The following HELB variants were observed in gnomAD, a reference collection of about 807,000 sequenced individuals.
HELB encodes the protein DNA 5'-3' helicase B.
HELB carries 96 observed loss-of-function variants against 101.7 expected under a neutral mutation model. That is an observed-to-expected ratio of 0.94 (90% CI 0.80 to 1.12). The LOEUF (loss-of-function observed/expected upper bound fraction) is 1.12. Ranked by LOEUF, HELB falls within the 50% of genes most tolerant of loss-of-function variation. HELB has a pLI of 0.00. For synonymous variants in HELB, 437 were observed against 459.7 expected (o/e 0.95, Z 0.63); for missense variants, 1,210 against 1,291.9 (o/e 0.94, Z 0.97).
At chr12:66,335,478 C>T (rs930329898) in intron 12 of HELB, among the ~76,000 whole-genome samples, 10 of 151,722 alleles carry the variant, frequency 6.6e-5, no homozygotes, top group East Asian at 1.9e-4. Context: ...GCTGAAAGGG[C>T]GGAGGAAGCA....
intron 11 of HELB, among the ~76,000 whole-genome samples, chr12:66,328,223 T>G (rs2053765092): frequency 6.6e-6 from 1 of 152,192 alleles, no homozygotes; most frequent in Non-Finnish European, 1.5e-5. Context: ...TATTGAGCGC[T>G]GGAAATGTGG....
Position 66,309,636 on chromosome 12 carries a change from T to G in HELB, c.778-70T>G, listed in dbSNP as rs113852841. The G allele has an allele frequency of 2.6e-4, 272 of 1,056,264 alleles. 3 individuals carry two copies. The African/African-American group carries it at 3.3e-3, about 13-fold the overall frequency. The allele number at this position is 1,056,264 out of a possible 1,614,324, so 65.4% of individuals were successfully genotyped here. On this transcript the variant is annotated intron_variant, in intron 3 of 12. Coordinates refer to ENST00000247815, the MANE Select transcript of HELB (RefSeq NM_001370285.1). ...TTCATGTCTTCTGGGATTTAAAAAA[T>G]TATTAATAAAGAACATATTCATAAA...
At chr12:66,334,606 C>G (rs565986099) in intron 12 of HELB, among the ~76,000 whole-genome samples, 1 of 151,938 alleles carries the variant, frequency 6.6e-6, no homozygotes, top group Non-Finnish European at 1.5e-5. Context: ...GAAACCCCAT[C>G]TCTACCAAAA....
downstream of HELB, chr12:66,339,344 T>A (rs1337049997): frequency 3.3e-5 from 5 of 152,132 alleles, no homozygotes; most frequent in Admixed American, 3.3e-4. Context: ...TCTCACTATG[T>A]TTCCCAGGTT....
intron 12 of HELB, among the ~76,000 whole-genome samples, chr12:66,337,178 G>A (rs2053875695): frequency 6.6e-6 from 1 of 152,092 alleles, no homozygotes; most frequent in African/African-American, 2.4e-5. Flanking sequence ...GGTTTTGTGG[G>A]AAAAGTGAGT....
intron 11 of HELB, among the ~76,000 whole-genome samples, chr12:66,326,794 G>A (rs1365040644): frequency 2.0e-5 from 3 of 150,068 alleles, no homozygotes; most frequent in Non-Finnish European, 4.4e-5. Context: ...CACTTTGGGA[G>A]GCCGAGGTAG....
chr12:66,324,132 T>G lies in HELB; in HGVS notation c.2447T>G (p.Leu816Arg). ...DASSEDFSGT[L>R]PDFAKNKRDF... ...AGTAGTGAAGACTTTTCTGGTACGCTTCCTGATTTTGCTAAAAATAAGCGT... is the reference window on the plus strand; with the variant it reads ...AGTAGTGAAGACTTTTCTGGTACGCGTCCTGATTTTGCTAAAAATAAGCGT... Residue 816 changes from leucine (L) to arginine (R), a missense_variant, in exon 10 of 13, where the codon CTT becomes CGT. This residue lies in a region of HELB where 740 missense variants were observed against 728.8 expected (regional missense o/e 1.02). Coordinates refer to ENST00000247815, the MANE Select transcript of HELB (RefSeq NM_001370285.1). 1.2e-6 allele frequency: 2 copies of G among 1,613,954 alleles called. No homozygotes were observed. The highest frequency in any genetic ancestry group is 2.2e-5 in the South Asian group (2 of 91,078).
At chr12:66,326,084 C>A (rs1050824853) in intron 11 of HELB, among the ~76,000 whole-genome samples, 10 of 152,156 alleles carry the variant, frequency 6.6e-5, no homozygotes, top group Non-Finnish European at 1.0e-4. Flanking sequence ...TGTCCTTTTG[C>A]TGTTCTAGGA....
Position 66,322,020 on chromosome 12 carries a change from C to A in HELB, c.2228C>A (p.Ala743Glu), listed in dbSNP as rs1249096540. The A allele has an allele frequency of 8.9e-7, 1 of 1,118,980 alleles. No homozygotes were observed. Among genetic ancestry groups the A allele is most frequent in the Non-Finnish European group, 1.3e-6 (1 of 764,214 alleles). The allele number at this position is 1,118,980 out of a possible 1,614,324, so 69.3% of individuals were successfully genotyped here. Residue 743 changes from alanine to glutamate, a missense_variant, in exon 8 of 13, where the codon GCA becomes GAA. By Grantham distance (107) the Ala-to-Glu change is moderately radical. This residue lies in a region of HELB where 740 missense variants were observed against 728.8 expected (regional missense o/e 1.02). Transcript: ENST00000247815. ...AATGCAAAAACATCACAATTTATTGCATTTAGAAGGTAAAGCATTTATAAT... is the reference window on the plus strand; with the variant it reads ...AATGCAAAAACATCACAATTTATTGAATTTAGAAGGTAAAGCATTTATAAT... ...LQNAKTSQFIAFRRQDCDLIN... is the reference protein window; with the variant it reads ...LQNAKTSQFIEFRRQDCDLIN...
At chr12:66,324,333 G>A (rs1169814239) in intron 10 of HELB, 122 bp downstream of exon 10, 3 of 799,802 alleles carry the variant, frequency 3.8e-6, no homozygotes, top group African/African-American at 3.5e-5. Context: ...ATGATTTTTT[G>A]TTAAGGATTT....
At position 66,310,083 on chromosome 12, in the gene HELB, G is replaced by A; in HGVS notation, c.1155G>A (p.Val385=). The change falls in exon 4 of 13, where the codon GTG becomes GTA. Residue 385 remains valine (V), a synonymous_variant. Transcript: ENST00000247815. ...PWHLCVDVEK[V]LASIHTTKPE... ...ATTTATGTGTCGATGTCGAAAAGGTGCTTGCCTCTATTCACACCACAAAAC... is the reference window on the plus strand; with the variant it reads ...ATTTATGTGTCGATGTCGAAAAGGTACTTGCCTCTATTCACACCACAAAAC... 14 of 1,614,172 alleles carry A rather than the reference G, an allele frequency of 8.7e-6. No individual in the cohort carries two copies. The highest frequency in any genetic ancestry group is 1.3e-5 in the African/African-American group (1 of 75,030).
chr12:66,326,206 C>T (rs1381579192), intron 11 of HELB, among the ~76,000 whole-genome samples: 1 of 151,766 alleles, frequency 6.6e-6, no homozygotes, highest in Non-Finnish European at 1.5e-5. Context: ...GCTTCCTTCT[C>T]TGCTGTTGGT....
rs1169059843 is a variant in HELB, at chr12:66,310,224, T to C, written c.1296T>C (p.Gly432=). 2.5e-6 allele frequency: 4 copies of C among 1,613,930 alleles called. No homozygotes were observed. Among genetic ancestry groups the C allele is most frequent in the East Asian group, 2.2e-5 (1 of 44,896 alleles). Residue 432 remains glycine, a synonymous_variant, in exon 4 of 13, where the codon GGT becomes GGC. Coordinates refer to ENST00000247815, the MANE Select transcript of HELB (RefSeq NM_001370285.1). ...QDNGDHIWTN[G]ENEINAEISE... is the part of the protein sequence containing the mutation. The stretch of plus-strand genomic sequence containing the variant: ...ATGGTGACCATATTTGGACTAATGG[T>C]GAAAATGAAATTAATGCAGAAATAA...
chr12:66,325,870 C>T (rs1165749251), intron 11 of HELB, among the ~76,000 whole-genome samples: 21 of 152,030 alleles, frequency 1.4e-4, no homozygotes, highest in Admixed American at 1.4e-3. Context: ...TATCCCCCCG[C>T]CCCCAACTTA....
intron 1 of HELB, among the ~76,000 whole-genome samples, chr12:66,304,114 A>G (rs2053443186): frequency 6.6e-6 from 1 of 152,258 alleles, no homozygotes. Flanking sequence ...TGGTGCTGGG[A>G]AAACCTAGAG....
chr12:66,333,032 GA>G (rs984686500), intron 12 of HELB, among the ~76,000 whole-genome samples: 2 of 151,408 alleles, frequency 1.3e-5, no homozygotes, highest in African/African-American at 4.9e-5. Flanking sequence ...TTCAGCATTT[GA>G]AAAAAACATT....
rs1053182900 is a variant in HELB at position 66,306,426 on chromosome 12, A to G, written c.689A>G (p.Lys230Arg). 1 of 1,610,882 alleles carries G rather than the reference A, an allele frequency of 6.2e-7. No homozygotes were observed. ...FLPVLLPRHF[K>R]WIIGSGSKEM... ...CCAGTTCTTCTGCCTCGACACTTTA[A>G]ATGGATCATAGGGTCAGGTTCTAAA... is the stretch of plus-strand genomic sequence containing the variant. The change falls in exon 3 of 13, where the codon AAA (lysine) becomes AGA (arginine). Residue 230 changes from lysine (K) to arginine (R), a missense_variant. Around this residue, in one of 2 missense-constraint regions of HELB, gnomAD observed 470 missense variants for 563.1 expected, o/e 0.83. Coordinates refer to ENST00000247815, the MANE Select transcript of HELB (RefSeq NM_001370285.1).
At chr12:66,313,544 G>A (rs140905862) in intron 4 of HELB, among the ~76,000 whole-genome samples, 23 of 152,082 alleles carry the variant, frequency 1.5e-4, no homozygotes, top group African/African-American at 3.4e-4. Flanking sequence ...GGGGTGGTGC[G>A]GTGGTAGTTT....
At chr12:66,338,249 C>G (rs1334815974), downstream of HELB, 1 of 629,528 alleles carries the variant, frequency 1.6e-6, no homozygotes, top group East Asian at 2.8e-5. Flanking sequence ...TCCATTTCAT[C>G]AAAGTATTAA....
Sources: gnomAD v4.1 joint callset for allele counts (sites outside exome capture counted in the v4.1 genomes callset) on GRCh38, gnomAD v4.1.1 for gene constraint, gnomAD v4.1.1 regional missense constraint, MANE v1.5 for transcripts, NCBI Gene and HGNC (gene_info 2026-07-23, HGNC 2026-07-21) for gene names.